Variants in L3MBTL3 observed in about 807,000 individuals in gnomAD.
L3MBTL3 encodes L3MBTL histone methyl-lysine binding protein 3.
A neutral mutation model predicts 102.3 loss-of-function variants in L3MBTL3; 27 were observed. That is an observed-to-expected ratio of 0.26 (90% confidence interval 0.19 to 0.36). The LOEUF is 0.36. Ranked by LOEUF, L3MBTL3 falls within the 10% of genes least tolerant of loss-of-function variation. The pLI is 1.00. For missense variants in L3MBTL3, 798 were observed against 955.3 expected (o/e 0.84, Z 2.17); for synonymous variants, 340 against 320.9 (o/e 1.06, Z -0.64).
chr6:130,026,221 T>C (rs575220427), intron 2 of L3MBTL3, among the ~76,000 whole-genome samples: 1 of 152,170 alleles, frequency 6.6e-6, no homozygotes, highest in Non-Finnish European at 1.5e-5. Flanking sequence ...AAAAATACTT[T>C]GAGTGCTTTC....
intron 18 of L3MBTL3, among the ~76,000 whole-genome samples, chr6:130,097,458 GTTAC>G (rs1217265022): frequency 2.0e-5 from 3 of 152,186 alleles, no homozygotes; most frequent in African/African-American, 7.2e-5. Flanking sequence ...AGCGTTTGTT[GTTAC>G]CTTCTCTGAA....
intron 10 of L3MBTL3, among the ~76,000 whole-genome samples, chr6:130,060,641 T>G (rs1781830290): frequency 6.6e-6 from 1 of 152,054 alleles, no homozygotes; most frequent in South Asian, 2.1e-4. Context: ...CATGTCTGTC[T>G]GATTCTATAG....
intron 17 of L3MBTL3, among the ~76,000 whole-genome samples, chr6:130,093,920 T>TTATTTTATTTACTTAATATTA (rs1373556546): frequency 6.6e-6 from 1 of 152,222 alleles, no homozygotes; most frequent in Non-Finnish European, 1.5e-5. Context: ...CATGCTTTAA[T>TTATTTTATTTACTTAATATTA]TATGTTATTT....
In L3MBTL3 at chr6:130,061,396, A is replaced by G. The variant is rs140873499; in HGVS notation, c.864+1256A>G. On this transcript the variant is annotated intron_variant, in intron 10 of 22. Coordinates refer to ENST00000361794, the MANE Select transcript of L3MBTL3 (RefSeq NM_032438.4). Reference sequence around the variant, plus strand: ...ACGCCCAGCCCATCTGTTAGCTTTTATTAGTTCTCAAAACAACCTTTTGAG... The same window carrying G: ...ACGCCCAGCCCATCTGTTAGCTTTTGTTAGTTCTCAAAACAACCTTTTGAG... 4.6e-5 allele frequency among the ~76,000 whole-genome samples: 7 copies of G among 152,266 alleles called. No individual in the cohort carries two copies. The East Asian group carries it at 1.4e-3, about 29-fold the overall frequency.
intron 19 of L3MBTL3, among the ~76,000 whole-genome samples, chr6:130,107,142 C>A (rs537585106): frequency 6.6e-6 from 1 of 152,216 alleles, no homozygotes; most frequent in African/African-American, 2.4e-5. Flanking sequence ...TCCCTAGACA[C>A]CCTGGAGTCT....
intron 14 of L3MBTL3, among the ~76,000 whole-genome samples, 182 bp from the exon 15 acceptor site, chr6:130,083,438 A>G (rs1006893191): frequency 1.3e-5 from 2 of 151,952 alleles, no homozygotes; most frequent in Admixed American, 1.3e-4. Flanking sequence ...TAATAGAAAA[A>G]TAATGATCAA....
chr6:130,059,862 A>C (rs111694321), intron 9 of L3MBTL3, among the ~76,000 whole-genome samples, 174 bp from the exon 10 acceptor site: 1 of 152,132 alleles, frequency 6.6e-6, no homozygotes, highest in East Asian at 1.9e-4. Context: ...CCTGGGACCT[A>C]TTTGTAGCCT....
chr6:130,024,277 A>C (rs576584890), intron 2 of L3MBTL3, among the ~76,000 whole-genome samples: 39 of 152,286 alleles, frequency 2.6e-4, no homozygotes, highest in African/African-American at 8.9e-4. Context: ...CTTTGGCTGC[A>C]ATCTAATTAT....
chr6:130,062,888 T>A (rs1443546471), intron 10 of L3MBTL3, among the ~76,000 whole-genome samples: 3 of 151,890 alleles, frequency 2.0e-5, no homozygotes, highest in Non-Finnish European at 4.4e-5. Context: ...GTGAAAAGTA[T>A]GGACATATAA....
chr6:130,135,223 G>A (rs1038711143), intron 22 of L3MBTL3, among the ~76,000 whole-genome samples: 1 of 151,900 alleles, frequency 6.6e-6, no homozygotes. Flanking sequence ...ACCACGCTCG[G>A]CTAATTTTTT....
intron 9 of L3MBTL3, among the ~76,000 whole-genome samples, chr6:130,058,691 A>G (rs1044881650): frequency 6.6e-6 from 1 of 152,180 alleles, no homozygotes; most frequent in African/African-American, 2.4e-5. Flanking sequence ...CTCTGTTGCA[A>G]CGACTCAGTT....
At chr6:130,053,503 C>T (rs573371262) in intron 7 of L3MBTL3, among the ~76,000 whole-genome samples, 76 of 152,130 alleles carry the variant, frequency 5.0e-4, no homozygotes, top group Non-Finnish European at 8.5e-4. Flanking sequence ...GGCGTGGTGG[C>T]AGGCTCCTGT....
intron 2 of L3MBTL3, among the ~76,000 whole-genome samples, chr6:130,030,244 T>C (rs772570644): frequency 6.6e-6 from 1 of 152,014 alleles, no homozygotes; most frequent in African/African-American, 2.4e-5. Context: ...TAATTTTTTT[T>C]AAAAAAAGTT....
intron 4 of L3MBTL3, 26 bp downstream of exon 4, chr6:130,049,419 T>C (rs755265716): frequency 6.6e-6 from 9 of 1,358,802 alleles, no homozygotes; most frequent in East Asian, 4.6e-5. Flanking sequence ...CTGCATTTTA[T>C]TTCTTGCTTT....
At chr6:130,121,327 C>CT (rs544017647) in intron 20 of L3MBTL3, among the ~76,000 whole-genome samples, 5 of 152,000 alleles carry the variant, frequency 3.3e-5, no homozygotes, top group Admixed American at 1.3e-4. Flanking sequence ...GCATGCAGTA[C>CT]TTTTTTTTCT....
At chr6:130,061,110 A>C (rs1301006095) in intron 10 of L3MBTL3, among the ~76,000 whole-genome samples, 1 of 122,994 alleles carries the variant, frequency 8.1e-6, no homozygotes, top group African/African-American at 3.2e-5. Flanking sequence ...TTTGAGATGG[A>C]GTCTCACTCT....
rs1562305161 is a variant in L3MBTL3, at chr6:130,094,356, G to A, written c.1725G>A (p.Leu575=). The change falls in exon 18 of 23, where the codon CTG becomes CTA. Residue 575 remains leucine (L), a synonymous_variant. Transcript: ENST00000361794. ...GIGHFKRARH[L]GPHSAANCPY... is the part of the protein sequence containing the mutation. ...GCCATTTCAAGAGAGCGAGACATCT[G>A]GGCCCTCACAGGTATGTGGTAGCTG... The A allele has an allele frequency of 6.2e-7, 1 of 1,613,020 alleles. No individual in the cohort carries two copies. The highest frequency in any genetic ancestry group is 8.5e-7 in the Non-Finnish European group (1 of 1,179,234).
chr6:130,128,195 TA>T (rs963781460), intron 20 of L3MBTL3, among the ~76,000 whole-genome samples: 28 of 152,214 alleles, frequency 1.8e-4, no homozygotes, highest in African/African-American at 6.3e-4. Context: ...TGATTAGGGT[TA>T]GGGGGGTGTG....
chr6:130,039,347 A>G (rs1332691304), intron 2 of L3MBTL3, among the ~76,000 whole-genome samples: 1 of 152,144 alleles, frequency 6.6e-6, no homozygotes, highest in East Asian at 1.9e-4. Context: ...CTTTGATATC[A>G]TAAAATATCC....
Sources: allele counts gnomAD v4.1 joint callset (sites outside exome capture counted in the v4.1 genomes callset), GRCh38; gene constraint gnomAD v4.1.1; transcripts MANE v1.5; gene names NCBI Gene and HGNC (gene_info 2026-07-23, HGNC 2026-07-21).